Variants in HDGFL2 observed in about 807,000 individuals in gnomAD.
HDGFL2 encodes HDGF like 2.
A neutral mutation model predicts 77.1 loss-of-function variants in HDGFL2; 36 were observed. The ratio of observed to expected loss-of-function variants is 0.47; its 90% CI spans 0.36 to 0.62. HDGFL2 has a LOEUF of 0.62. Ranked by LOEUF, HDGFL2 falls within the 20% of genes least tolerant of loss-of-function variation. The probability of loss-of-function intolerance (pLI) is 0.00; values close to 1 mark genes in which losing one functional copy is unlikely to be tolerated. For synonymous variants in HDGFL2, 463 were observed against 413.1 expected, an observed-to-expected ratio of 1.12 and a Z score of -1.46; for missense variants, 976 against 973.4, an observed-to-expected ratio of 1.00 and a Z score of -0.04.
chr19:4,491,827 A>T lies in HDGFL2; in HGVS notation c.670A>T (p.Lys224Ter). Reference protein sequence around the residue: ...APRRGPLGGRKKKKAPSASDS... With the variant: ...APRRGPLGGR ...ACGGAGGGGCCCTCTGGGGGGACGG[A>T]AAAAAAAGGTAGCGTGCACTTGACT... Residue 224 changes from lysine (K) to a stop codon, truncating the protein, a stop_gained, in exon 6 of 16, where the codon AAA becomes TAA. Coordinates refer to ENST00000616600, the MANE Select transcript of HDGFL2 (RefSeq NM_001001520.3). LOFTEE classifies it high-confidence loss of function. 6.2e-7 allele frequency: 1 copy of T among 1,608,810 alleles called. No homozygotes were observed. Among genetic ancestry groups the T allele is most frequent in the Non-Finnish European group, 8.5e-7 (1 of 1,175,732 alleles).
At position 4,494,326 on chromosome 19, in the gene HDGFL2, C is replaced by T. The variant is rs1483678425; in HGVS notation, c.1075C>T (p.Arg359Cys). ...GGAGCGGAGGCGCGAGCGGGCCGAC[C>T]GCGGGGAGGCTGAGCGGGGCAGCGG... is the stretch of plus-strand genomic sequence containing the variant. Reference protein sequence around the residue: ...EKERRRERADRGEAERGSGGS... With the variant: ...EKERRRERADCGEAERGSGGS... The change falls in exon 9 of 16, where the codon CGC becomes TGC. Residue 359 changes from arginine to cysteine, a missense_variant. By Grantham distance (180) the Arg-to-Cys change is radical. Transcript: ENST00000616600. 5.6e-6 allele frequency: 8 copies of T among 1,418,028 alleles called. No homozygotes were observed. The highest frequency in any genetic ancestry group is 4.6e-5 in the South Asian group (3 of 64,834). 87.8% of individuals were successfully genotyped at this position (1,418,028 alleles called of 1,614,324 possible).
intron 15 of HDGFL2, 107 bp from the exon 16 acceptor site, chr19:4,501,804 G>C (rs1975897611): frequency 1.3e-6 from 1 of 764,578 alleles, no homozygotes; most frequent in Middle Eastern, 4.0e-4. Flanking sequence ...TCGAGCCTCA[G>C]GTGCCACAAC....
At chr19:4,501,374 C>T in intron 15 of HDGFL2, 57 bp downstream of exon 15, 1 of 1,528,760 alleles carries the variant, frequency 6.5e-7, no homozygotes, top group Middle Eastern at 2.4e-4. Flanking sequence ...GTGACGCGCA[C>T]CCTGGGTCCG....
rs749134143 is a variant in HDGFL2, at chr19:4,498,841, G to C, written c.1501G>C (p.Glu501Gln). 6 of 1,611,112 alleles carry C rather than the reference G, an allele frequency of 3.7e-6. No individual in the cohort carries two copies. In the South Asian group the frequency reaches 6.6e-5, roughly 18 times the overall value. ...PDVKRCLNALEELGTLQVTSQ... is the reference protein window; with the variant it reads ...PDVKRCLNALQELGTLQVTSQ... ...CGTGAAGAGGTGCCTGAATGCCCTAGAGGAGCTGGGAACCCTGCAGGTGAC... is the reference window on the plus strand; with the variant it reads ...CGTGAAGAGGTGCCTGAATGCCCTACAGGAGCTGGGAACCCTGCAGGTGAC... Residue 501 changes from glutamate to glutamine, a missense_variant, in exon 13 of 16, where the codon GAG becomes CAG. Around this residue, in one of 5 missense-constraint regions of HDGFL2, gnomAD observed 46 missense variants for 81.3 expected, o/e 0.57. Transcript: ENST00000616600.
chr19:4,496,670 TG>T (rs1262455606), intron 10 of HDGFL2, among the ~76,000 whole-genome samples: 1 of 151,938 alleles, frequency 6.6e-6, no homozygotes, highest in African/African-American at 2.4e-5. Flanking sequence ...TTGTCATGAC[TG>T]GGGGGTGCTC....
chr19:4,476,484 C>T (rs1049558501), intron 3 of HDGFL2, among the ~76,000 whole-genome samples: 6 of 151,818 alleles, frequency 4.0e-5, no homozygotes, highest in Admixed American at 2.0e-4. Flanking sequence ...TGAGCCACTG[C>T]GCTTGGCCAG....
At chr19:4,498,524 G>T in intron 12 of HDGFL2, 148 bp downstream of exon 12, 1 of 682,738 alleles carries the variant, frequency 1.5e-6, no homozygotes, top group Non-Finnish European at 2.5e-6. Flanking sequence ...GAGCGCATGG[G>T]GTCTCCTGGC....
intron 4 of HDGFL2, among the ~76,000 whole-genome samples, chr19:4,489,837 C>A (rs545004661): frequency 6.6e-6 from 1 of 152,266 alleles, no homozygotes; most frequent in South Asian, 2.1e-4. Flanking sequence ...ATTGTGCAAC[C>A]ATTACCATTA....
chr19:4,472,454 G>A (rs747869680), intron 1 of HDGFL2, 32 bp downstream of exon 1: 6 of 501,952 alleles, frequency 1.2e-5, no homozygotes, highest in Admixed American at 8.8e-5. Flanking sequence ...GGCCGGTGGG[G>A]GGGGGGGGGG....
chr19:4,483,252 C>T (rs888550175), intron 3 of HDGFL2, among the ~76,000 whole-genome samples: 2 of 152,216 alleles, frequency 1.3e-5, no homozygotes, highest in Non-Finnish European at 2.9e-5. Context: ...TCACCACACC[C>T]GGTTCTCGTT....
At chr19:4,492,941 GT>G (rs1975569022) in intron 6 of HDGFL2, among the ~76,000 whole-genome samples, 1 of 128,586 alleles carries the variant, frequency 7.8e-6, no homozygotes, top group Non-Finnish European at 1.6e-5. Flanking sequence ...TGTGTGGTGT[GT>G]GTGTGTGGTG....
chr19:4,491,741 T>A lies in HDGFL2; in HGVS notation c.607-23T>A, dbSNP rs370617185. 38 of 1,613,692 alleles carry A rather than the reference T, an allele frequency of 2.4e-5. 1 individual carries two copies. In the African/African-American group the frequency reaches 4.9e-4, roughly 21 times the overall value. ...CGTGGTGGCTGCCAGTGGGCCCCAG[T>A]TCAGCTCACTTCTCTCCCCCAGGAC... On this transcript the variant is annotated intron_variant, in intron 5 of 15. Transcript: ENST00000616600.
intron 1 of HDGFL2, among the ~76,000 whole-genome samples, chr19:4,474,446 TG>T (rs986576153): frequency 6.6e-6 from 1 of 152,018 alleles, no homozygotes. Context: ...CCAGGGACTC[TG>T]ATAAAGTAGC....
chr19:4,486,263 C>A (rs1033054023), intron 3 of HDGFL2: 1 of 151,990 alleles, frequency 6.6e-6, no homozygotes. Context: ...TTGTCTGTCT[C>A]CCCGGTAGAC....
At position 4,472,311 on chromosome 19, in the gene HDGFL2, C is replaced by T; in HGVS notation, c.-40C>T. The T allele has an allele frequency of 1.4e-6, 2 of 1,449,912 alleles. No homozygotes were observed. Among genetic ancestry groups the T allele is most frequent in the Non-Finnish European group, 1.8e-6 (2 of 1,095,894 alleles). The allele number at this position is 1,449,912 out of a possible 1,614,324, so 89.8% of individuals were successfully genotyped here. A position where few individuals can be genotyped will look rare whatever the true frequency, so the allele number is the denominator to read the frequency against. ...GCCGCCGCCGCAGCCGCTACCGCCG[C>T]TGCAGCCGCTTTCCGCGGCCTGGGC... On this transcript the variant is annotated 5_prime_UTR_variant, in exon 1 of 16. Coordinates refer to ENST00000616600, the MANE Select transcript of HDGFL2 (RefSeq NM_001001520.3).
At chr19:4,492,604 C>G (rs1454437568) in intron 6 of HDGFL2, among the ~76,000 whole-genome samples, 3 of 146,224 alleles carry the variant, frequency 2.1e-5, no homozygotes, top group Non-Finnish European at 4.5e-5. Flanking sequence ...TGTGTGTTGT[C>G]TGTGTGTTAT....
chr19:4,475,833 G>A lies in HDGFL2; in HGVS notation c.288+250G>A, dbSNP rs140118988. On this transcript the variant is annotated intron_variant, in intron 3 of 15. Coordinates refer to ENST00000616600, the MANE Select transcript of HDGFL2 (RefSeq NM_001001520.3). ...ATTGCCCAGTGTCCCCTGGGTGGAG[G>A]GGAACGGGATAGAATCAGCCCTGGC... 2.0e-3 allele frequency among the ~76,000 whole-genome samples: 312 copies of A among 152,202 alleles called. 1 individual carries two copies. The highest frequency in any genetic ancestry group is 7.3e-3 in the African/African-American group (303 of 41,528).
At position 4,494,207 on chromosome 19, in the gene HDGFL2, G is replaced by A. The variant is rs768083352; in HGVS notation, c.956G>A (p.Arg319Gln). 2.0e-6 allele frequency: 3 copies of A among 1,474,342 alleles called. No homozygotes were observed. Among genetic ancestry groups the A allele is most frequent in the Admixed American group, 5.3e-5 (2 of 37,976 alleles). The allele number at this position is 1,474,342 out of a possible 1,614,324, so 91.3% of individuals were successfully genotyped here. The change falls in exon 9 of 16, where the codon CGG (arginine) becomes CAG (glutamine). Residue 319 changes from arginine (R) to glutamine (Q), a missense_variant. By Grantham distance (43) the Arg-to-Gln change is conservative. This residue lies in a region of HDGFL2 where 567 missense variants were observed against 534.7 expected (regional missense o/e 1.06). Coordinates refer to ENST00000616600, the MANE Select transcript of HDGFL2 (RefSeq NM_001001520.3). The stretch of plus-strand genomic sequence containing the variant: ...GACCGCATCAGTGAGTGGAAGCGGC[G>A]GGACGAGGCGCGGAGGCGCGAGCTG... ...EVDRISEWKRRDEARRRELEA... is the reference protein window; with the variant it reads ...EVDRISEWKRQDEARRRELEA...
chr19:4,475,477 A>G lies in HDGFL2; in HGVS notation c.182A>G (p.Tyr61Cys). ...AFLGPKDLFPYDKCKDKYGKP... is the reference protein window; with the variant it reads ...AFLGPKDLFPCDKCKDKYGKP... ...CTGGGACCCAAGGACCTGTTCCCCT[A>G]CGACAAATGTAAAGACAAGTACGGG... is the stretch of plus-strand genomic sequence containing the variant. The change falls in exon 3 of 16, where the codon TAC becomes TGC. Residue 61 changes from tyrosine to cysteine, a missense_variant. Coordinates refer to ENST00000616600, the MANE Select transcript of HDGFL2 (RefSeq NM_001001520.3). 1 of 1,611,284 alleles carries G rather than the reference A, an allele frequency of 6.2e-7. No homozygotes were observed. The highest frequency in any genetic ancestry group is 8.5e-7 in the Non-Finnish European group (1 of 1,179,286).
Sources: allele counts gnomAD v4.1 joint callset (sites outside exome capture counted in the v4.1 genomes callset), GRCh38; gene constraint gnomAD v4.1.1; regional missense constraint gnomAD v4.1.1; transcripts MANE v1.5; gene names NCBI Gene and HGNC (gene_info 2026-07-23, HGNC 2026-07-21).